The following IL1RAPL1 variants were observed in gnomAD, a reference collection of about 807,000 sequenced individuals.
The protein encoded by IL1RAPL1 is interleukin 1 receptor accessory protein like 1.
In IL1RAPL1, 3 loss-of-function variants were observed where a neutral mutation model predicts 48.4. The observed-to-expected ratio is 0.06, with a 90% CI of 0.03 to 0.16. IL1RAPL1 has a LOEUF of 0.16. Ranked by LOEUF, IL1RAPL1 falls within the 10% of genes least tolerant of loss-of-function variation. The pLI is 1.00. For missense variants in IL1RAPL1, 349 were observed against 530.6 expected (o/e 0.66, Z 3.36); for synonymous variants, 185 against 187.7 (o/e 0.99, Z 0.12).
chrX:28,849,459 A>G (rs938969530), intron 2 of IL1RAPL1, among the ~76,000 whole-genome samples: 2 of 112,042 alleles, frequency 1.8e-5, no homozygotes, highest in Admixed American at 9.5e-5. Flanking sequence ...AAATCATATG[A>G]AAGATACTTT....
chrX:28,847,591 C>A (rs888041599), intron 2 of IL1RAPL1, among the ~76,000 whole-genome samples: 1 of 111,020 alleles, frequency 9.0e-6, no homozygotes, highest in Admixed American at 9.6e-5. Flanking sequence ...TGCTCGACTC[C>A]AGGGCACAAG....
chrX:29,709,319 A>G (rs776417881), intron 6 of IL1RAPL1, among the ~76,000 whole-genome samples: 1 of 111,756 alleles, frequency 8.9e-6, no homozygotes, highest in South Asian at 3.7e-4. Flanking sequence ...AGTTATGTAT[A>G]TGGTGTGACA....
At position 29,025,243 on chromosome X, in the gene IL1RAPL1, G is replaced by A. The variant is rs1158733468; in HGVS notation, c.82+235818G>A. ...AGGTGGTTTCCATTTTGTGGCCATT[G>A]TGAATAATGCTGAATGAACGTTAAT... is the stretch of plus-strand genomic sequence containing the variant. On this transcript the variant is annotated intron_variant, in intron 2 of 10. Coordinates refer to ENST00000378993, the MANE Select transcript of IL1RAPL1 (RefSeq NM_014271.4). Among the ~76,000 whole-genome samples, 2 of 112,186 alleles carry A rather than the reference G, an allele frequency of 1.8e-5. 1 individual carries two copies. Among genetic ancestry groups the A allele is most frequent in the Middle Eastern group, 8.4e-3 (2 of 237 alleles).
At chrX:29,156,568 T>C (rs1333096046) in intron 2 of IL1RAPL1, among the ~76,000 whole-genome samples, 1 of 111,542 alleles carries the variant, frequency 9.0e-6, no homozygotes, top group Non-Finnish European at 1.9e-5. Flanking sequence ...ACGAATCACA[T>C]TGTGTAGGTG....
chrX:28,855,599 G>A (rs1921784826), intron 2 of IL1RAPL1, among the ~76,000 whole-genome samples: 1 of 110,794 alleles, frequency 9.0e-6, no homozygotes, highest in African/African-American at 3.3e-5. Flanking sequence ...TCATTAATAT[G>A]TTTTCTGAAT....
intron 1 of IL1RAPL1, among the ~76,000 whole-genome samples, chrX:28,765,592 G>C (rs939923974): frequency 9.0e-6 from 1 of 110,764 alleles, no homozygotes; most frequent in South Asian, 3.7e-4. Flanking sequence ...ATACTTTTTT[G>C]GTATACTATC....
chrX:29,764,359 T>C (rs1437036338), intron 6 of IL1RAPL1, among the ~76,000 whole-genome samples: 1 of 112,013 alleles, frequency 8.9e-6, no homozygotes, highest in Non-Finnish European at 1.9e-5. Flanking sequence ...CTCTGAATGA[T>C]GGACACCCAA....
intron 2 of IL1RAPL1, among the ~76,000 whole-genome samples, chrX:28,978,749 C>T (rs749193810): frequency 2.2e-4 from 24 of 111,400 alleles, no homozygotes; most frequent in Non-Finnish European, 3.4e-4. Context: ...TGGTGGTAAC[C>T]GGGGTTTAAG....
intron 2 of IL1RAPL1, among the ~76,000 whole-genome samples, chrX:29,172,436 A>T (rs752817774): frequency 1.8e-4 from 20 of 111,475 alleles, no homozygotes; most frequent in African/African-American, 5.5e-4. Flanking sequence ...ATTTTATTGT[A>T]TATATTTGAG....
At chrX:29,584,768 T>A (rs1199865799) in intron 5 of IL1RAPL1, among the ~76,000 whole-genome samples, 3 of 111,629 alleles carry the variant, frequency 2.7e-5, no homozygotes, top group Non-Finnish European at 5.6e-5. Flanking sequence ...TTGCCCGGTC[T>A]AGTCTTGGCT....
At chrX:29,171,070 C>T (rs1248823582) in intron 2 of IL1RAPL1, among the ~76,000 whole-genome samples, 1 of 111,040 alleles carries the variant, frequency 9.0e-6, no homozygotes, top group Non-Finnish European at 1.9e-5. Context: ...GATCTCGGCT[C>T]ACTGCAACCT....
At chrX:28,665,086 G>A (rs1319875472) in intron 1 of IL1RAPL1, among the ~76,000 whole-genome samples, 2 of 111,737 alleles carry the variant, frequency 1.8e-5, no homozygotes, top group South Asian at 3.7e-4. Flanking sequence ...AACCATGTGT[G>A]TACTCCGGTA....
chrX:29,257,788 ATGT>A (rs778206928), intron 2 of IL1RAPL1, among the ~76,000 whole-genome samples: 1 of 111,855 alleles, frequency 8.9e-6, no homozygotes, highest in Non-Finnish European at 1.9e-5. Flanking sequence ...TTATGATAAC[ATGT>A]TGTTATAACT....
intron 1 of IL1RAPL1, chrX:28,659,437 C>A (rs1008298198): frequency 3.8e-6 from 2 of 527,153 alleles, no homozygotes; most frequent in Non-Finnish European, 7.0e-6. Flanking sequence ...TACCACCAGT[C>A]GATTTGCGGG....
intron 2 of IL1RAPL1, among the ~76,000 whole-genome samples, chrX:29,229,501 A>G (rs1242455931): frequency 8.9e-5 from 10 of 112,103 alleles, no homozygotes; most frequent in Admixed American, 5.7e-4. Flanking sequence ...TATTTCTACC[A>G]CTAAAGTTGC....
intron 1 of IL1RAPL1, among the ~76,000 whole-genome samples, chrX:28,645,868 A>G (rs1328639465): frequency 8.9e-6 from 1 of 112,175 alleles, no homozygotes; most frequent in Admixed American, 9.5e-5. Context: ...CAATGTTTGT[A>G]AGGTGCATTC....
At chrX:29,878,512 A>C (rs911319588) in intron 6 of IL1RAPL1, among the ~76,000 whole-genome samples, 1 of 112,330 alleles carries the variant, frequency 8.9e-6, no homozygotes, top group East Asian at 2.8e-4. Context: ...TTGTATTTAC[A>C]TACTTTTCTG....
intron 3 of IL1RAPL1, among the ~76,000 whole-genome samples, chrX:29,383,977 G>C (rs1933744033): frequency 8.9e-6 from 1 of 112,084 alleles, no homozygotes; most frequent in East Asian, 2.8e-4. Context: ...TACCATGTTT[G>C]AACACTGTTA....
intron 2 of IL1RAPL1, among the ~76,000 whole-genome samples, chrX:29,158,422 T>C (rs1305511037): frequency 5.4e-5 from 6 of 111,547 alleles, no homozygotes; most frequent in African/African-American, 2.0e-4. Context: ...TCCCCCAGGC[T>C]GGAGTGCAGT....
Sources: allele counts gnomAD v4.1 joint callset (sites outside exome capture counted in the v4.1 genomes callset), GRCh38; gene constraint gnomAD v4.1.1; transcripts MANE v1.5; gene names NCBI Gene and HGNC (gene_info 2026-07-23, HGNC 2026-07-21).